ZNF567: variants seen among roughly 807,000 people sequenced by gnomAD.
ZNF567 encodes the protein zinc finger protein 567.
A neutral mutation model predicts 53.9 loss-of-function variants in ZNF567; 36 were observed. The ratio of observed to expected loss-of-function variants is 0.67; its 90% CI spans 0.51 to 0.88. The LOEUF is 0.88. Among genes scored for constraint, ZNF567 ranks in the 40% least tolerant of loss-of-function variants. The pLI, the probability that ZNF567 is intolerant of heterozygous loss-of-function variation, is 0.00. For missense variants in ZNF567, 619 were observed against 764.7 expected, an observed-to-expected ratio of 0.81 and a Z score of 2.25; for synonymous variants, 224 against 260.4, an observed-to-expected ratio of 0.86 and a Z score of 1.35.
the ZNF567 span, among the ~76,000 whole-genome samples, chr19:36,680,242 CT>C: frequency 2.6e-5 from 4 of 152,186 alleles, no homozygotes; most frequent in African/African-American, 9.7e-5. Context: ...CTATGAGCAT[CT>C]CACGATAAAT....
At chr19:36,698,198 G>C (rs1480303703) in intron 3 of ZNF567, among the ~76,000 whole-genome samples, 5 of 152,034 alleles carry the variant, frequency 3.3e-5, no homozygotes, top group Admixed American at 2.6e-4. Context: ...CCTTGTGATA[G>C]TTTACGGAGA....
upstream of ZNF567, chr19:36,685,929 T>C (rs530991839): frequency 6.6e-6 from 1 of 152,352 alleles, no homozygotes; most frequent in East Asian, 1.9e-4. Context: ...TCCCTGAAAT[T>C]TCTGGCCGTT....
chr19:36,724,660 C>A (rs564354971), downstream of ZNF567, among the ~76,000 whole-genome samples: 2 of 124,408 alleles, frequency 1.6e-5, no homozygotes, highest in Admixed American at 9.5e-5. Flanking sequence ...CCAGCCTGCG[C>A]GAAAAAGCGA....
intron 2 of ZNF567, among the ~76,000 whole-genome samples, chr19:36,689,738 T>A (rs2038496600): frequency 6.6e-6 from 1 of 152,132 alleles, no homozygotes; most frequent in Non-Finnish European, 1.5e-5. Context: ...ATTAGCCACC[T>A]CAGTCACTTT....
At chr19:36,701,892 G>A (rs543100108) in intron 3 of ZNF567, among the ~76,000 whole-genome samples, 5 of 150,380 alleles carry the variant, frequency 3.3e-5, no homozygotes, top group Non-Finnish European at 7.4e-5. Context: ...GCCAGTCTGT[G>A]TCTTTTAATT....
intron 3 of ZNF567, among the ~76,000 whole-genome samples, chr19:36,695,350 G>A (rs1429284032): frequency 6.6e-6 from 1 of 152,098 alleles, no homozygotes; most frequent in Non-Finnish European, 1.5e-5. Flanking sequence ...CCAACATGGT[G>A]AAATGCTGTC....
intron 3 of ZNF567, among the ~76,000 whole-genome samples, chr19:36,698,398 TCTTTATAGCAGCATGATTTATACTC>T (rs1415686997): frequency 5.3e-5 from 8 of 152,148 alleles, no homozygotes; most frequent in African/African-American, 1.9e-4. Flanking sequence ...TGTGCATGTG[TCTTTATAGCAGCATGATTTATACTC>T]CTTTGGGTAT....
chr19:36,711,463 A>G (rs1328499729), intron 3 of ZNF567: 1 of 152,208 alleles, frequency 6.6e-6, no homozygotes, highest in Non-Finnish European at 1.5e-5. Context: ...TGCAGTTGCT[A>G]TCCTTCAAGG....
chr19:36,676,055 C>CTTTTTTTTTTTTTTTTTTTT, the ZNF567 span, among the ~76,000 whole-genome samples: 7 of 60,598 alleles, frequency 1.2e-4, 3 homozygotes, highest in Non-Finnish European at 1.5e-4. Context: ...TATTCTACAC[C>CTTTTTTTTTTTTTTTTTTTT]TTTTTTTTTT....
At chr19:36,721,747 T>A (rs988085923), downstream of ZNF567, among the ~76,000 whole-genome samples, 1 of 131,146 alleles carries the variant, frequency 7.6e-6, no homozygotes, top group Non-Finnish European at 1.5e-5. Context: ...TTTTTTTCTT[T>A]TTTTTTTTTT....
At chr19:36,677,533 G>A in the ZNF567 span, among the ~76,000 whole-genome samples, 5 of 149,592 alleles carry the variant, frequency 3.3e-5, no homozygotes, top group African/African-American at 4.9e-5. Context: ...TTGGGAGGCC[G>A]AGGCGGGTGG....
At chr19:36,682,587 ATTATT>A in the ZNF567 span, among the ~76,000 whole-genome samples, 10 of 145,418 alleles carry the variant, frequency 6.9e-5, no homozygotes, top group African/African-American at 2.5e-4. Flanking sequence ...TTTTTTTTTT[ATTATT>A]TTATTATTAT....
intron 3 of ZNF567, among the ~76,000 whole-genome samples, chr19:36,699,448 A>G (rs946721733): frequency 3.3e-5 from 5 of 152,116 alleles, no homozygotes; most frequent in Non-Finnish European, 7.4e-5. Context: ...GTTTTTTCCA[A>G]TTCTGTGAAG....
At chr19:36,704,938 T>A (rs2039415981) in intron 3 of ZNF567, among the ~76,000 whole-genome samples, 1 of 152,242 alleles carries the variant, frequency 6.6e-6, no homozygotes, top group Non-Finnish European at 1.5e-5. Flanking sequence ...TTTTGTAGTT[T>A]GTGACTGTCT....
the ZNF567 span, among the ~76,000 whole-genome samples, chr19:36,678,400 A>G: frequency 1.2e-4 from 18 of 152,356 alleles, no homozygotes; most frequent in African/African-American, 1.9e-4. Flanking sequence ...CATTAAAATT[A>G]AGAAAACAGA....
chr19:36,684,643 T>G (rs2038233911), upstream of ZNF567, among the ~76,000 whole-genome samples: 1 of 152,122 alleles, frequency 6.6e-6, no homozygotes, highest in South Asian at 2.1e-4. Context: ...CACGAACTAT[T>G]GCTCCAAGAA....
chr19:36,687,018 G>A (rs1372252305), upstream of ZNF567, among the ~76,000 whole-genome samples: 1 of 152,166 alleles, frequency 6.6e-6, no homozygotes, highest in Non-Finnish European at 1.5e-5. Context: ...ATGGATCATA[G>A]TCCTCACAGG....
intron 3 of ZNF567, among the ~76,000 whole-genome samples, chr19:36,705,544 A>G (rs569159482): frequency 2.0e-5 from 3 of 152,332 alleles, no homozygotes; most frequent in East Asian, 1.9e-4. Flanking sequence ...AGCAGAGTCT[A>G]TATGATGTCT....
At chr19:36,716,350 A>G (rs550961892) in intron 5 of ZNF567, among the ~76,000 whole-genome samples, 2 of 152,198 alleles carry the variant, frequency 1.3e-5, no homozygotes, top group Non-Finnish European at 2.9e-5. Flanking sequence ...TCTCTGTGAA[A>G]TCTTCCTTGA....
Sources: allele counts gnomAD v4.1 joint callset (sites outside exome capture counted in the v4.1 genomes callset), GRCh38; gene constraint gnomAD v4.1.1; transcripts MANE v1.5; gene names NCBI Gene and HGNC (gene_info 2026-07-23, HGNC 2026-07-21).